Variants in SYT1 observed in about 807,000 individuals in gnomAD.
SYT1 encodes the protein synaptotagmin-1.
A neutral mutation model predicts 44.8 loss-of-function variants in SYT1; 8 were observed. That is an observed-to-expected ratio of 0.18 (90% CI 0.10 to 0.32). The LOEUF is 0.32. Among genes scored for constraint, SYT1 ranks in the 10% least tolerant of loss-of-function variants. The pLI, the probability that SYT1 is intolerant of heterozygous loss-of-function variation, is 1.00. For missense variants in SYT1, 286 were observed against 509.3 expected, an observed-to-expected ratio of 0.56 and a Z score of 4.22; for synonymous variants, 154 against 188.8, an observed-to-expected ratio of 0.82 and a Z score of 1.51.
chr12:79,417,608 C>A (rs1448321698), intron 9 of SYT1, among the ~76,000 whole-genome samples: 1 of 152,122 alleles, frequency 6.6e-6, no homozygotes, highest in African/African-American at 2.4e-5. Flanking sequence ...TGATGAAATT[C>A]GAATTCCTTA....
chr12:79,122,533 A>AAAAAAAAAAAAAAAG (rs1565816049), intron 3 of SYT1, among the ~76,000 whole-genome samples: 1 of 150,168 alleles, frequency 6.7e-6, no homozygotes, highest in East Asian at 1.9e-4. Flanking sequence ...AAAAAAAAAA[A>AAAAAAAAAAAAAAAG]AGAGATTCAT....
intron 3 of SYT1, among the ~76,000 whole-genome samples, chr12:79,151,985 T>G (rs1211260214): frequency 6.6e-6 from 1 of 152,036 alleles, no homozygotes; most frequent in Non-Finnish European, 1.5e-5. Context: ...CTGTGTGTAT[T>G]CAGGAAGTTT....
intron 3 of SYT1, among the ~76,000 whole-genome samples, chr12:79,118,443 A>G (rs2138122098): frequency 6.6e-6 from 1 of 152,338 alleles, no homozygotes; most frequent in East Asian, 1.9e-4. Context: ...ATTTCATTCA[A>G]GTCTATATAC....
intron 1 of SYT1, among the ~76,000 whole-genome samples, chr12:78,870,763 TC>T (rs1264289565): frequency 1.3e-5 from 2 of 151,970 alleles, no homozygotes; most frequent in Non-Finnish European, 2.9e-5. Flanking sequence ...CGCTGGGCCA[TC>T]CTCCTTGCAT....
At chr12:78,987,720 C>A (rs1350575573) in intron 2 of SYT1, among the ~76,000 whole-genome samples, 1 of 152,010 alleles carries the variant, frequency 6.6e-6, no homozygotes, top group East Asian at 1.9e-4. Flanking sequence ...ATACCAAGCT[C>A]AGATGGGCTT....
At chr12:79,036,872 G>C (rs1214776781) in intron 2 of SYT1, among the ~76,000 whole-genome samples, 1 of 151,704 alleles carries the variant, frequency 6.6e-6, no homozygotes, top group Non-Finnish European at 1.5e-5. Flanking sequence ...AATATTTAAA[G>C]CTGGAAGTCA....
intron 1 of SYT1, among the ~76,000 whole-genome samples, chr12:78,906,448 G>C (rs1376472918): frequency 1.3e-5 from 2 of 152,036 alleles, no homozygotes; most frequent in Non-Finnish European, 2.9e-5. Context: ...TAGTTTATGG[G>C]ATAATAGAGA....
intron 2 of SYT1, among the ~76,000 whole-genome samples, chr12:79,005,487 T>C (rs1871016120): frequency 6.6e-6 from 1 of 152,016 alleles, no homozygotes; most frequent in African/African-American, 2.4e-5. Flanking sequence ...ATAATGTCTA[T>C]CTCAGGGCTG....
intron 1 of SYT1, among the ~76,000 whole-genome samples, chr12:78,905,868 A>G (rs1875952492): frequency 6.6e-6 from 1 of 151,988 alleles, no homozygotes; most frequent in African/African-American, 2.4e-5. Flanking sequence ...GAGAAAAATT[A>G]CTCTAATTAT....
At chr12:79,387,681 C>A (rs995624410) in intron 9 of SYT1, among the ~76,000 whole-genome samples, 5 of 152,192 alleles carry the variant, frequency 3.3e-5, no homozygotes, top group Admixed American at 1.3e-4. Context: ...CTTTCTCAGT[C>A]TTTCTATTCT....
chr12:79,074,353 A>T lies in SYT1; in HGVS notation c.-18+26991A>T, dbSNP rs145484680. On this transcript the variant is annotated intron_variant, in intron 3 of 10. Coordinates refer to ENST00000261205, the MANE Select transcript of SYT1 (RefSeq NM_005639.3). ...AGTACTGCCCTGCCAATTGTAAATG[A>T]GAGGTTTAAAAGGCTCCAGATCCAA... 5.6e-3 allele frequency among the ~76,000 whole-genome samples: 851 copies of T among 152,220 alleles called. 5 individuals are homozygous for T. The highest frequency in any genetic ancestry group is 0.014 in the Middle Eastern group (4 of 294).
At position 79,449,022 on chromosome 12, in the gene SYT1, A is replaced by T. The variant is rs766923254; in HGVS notation, c.1167A>T (p.Arg389=). The part of the protein sequence containing the change: ...VGYNSTGAEL[R]HWSDMLANPR... The stretch of plus-strand genomic sequence containing the variant: ...ACAACAGCACCGGCGCGGAGCTGCG[A>T]CACTGGTCAGACATGCTGGCCAACC... Residue 389 remains arginine, a synonymous_variant, in exon 11 of 11, where the codon CGA becomes CGT. Transcript: ENST00000261205. 12 of 1,614,224 alleles carry T rather than the reference A, an allele frequency of 7.4e-6. No individual in the cohort carries two copies. The highest frequency in any genetic ancestry group is 1.0e-5 in the Non-Finnish European group (12 of 1,180,030).
chr12:79,436,106 A>T (rs979295911), intron 9 of SYT1, among the ~76,000 whole-genome samples: 2 of 152,134 alleles, frequency 1.3e-5, no homozygotes, highest in Non-Finnish European at 2.9e-5. Context: ...AGGGAAAATG[A>T]ATTTTAGGGG....
rs138320693 is a variant in SYT1 at position 79,382,158 on chromosome 12, G to A, written c.928+28539G>A. ...ATGACACAGTGATTCTCAGTCGTGC[G>A]AGTCTGTTGCTTTAGGGAAGTGACT... On this transcript the variant is annotated intron_variant, in intron 9 of 10. Transcript: ENST00000261205. 6.6e-3 allele frequency among the ~76,000 whole-genome samples: 1,003 copies of A among 152,296 alleles called. 5 individuals carry two copies. Among genetic ancestry groups the A allele is most frequent in the Middle Eastern group, 0.024 (7 of 294 alleles).
chr12:79,249,116 G>C (rs1381358543), intron 4 of SYT1, among the ~76,000 whole-genome samples: 1 of 1,078 alleles, frequency 9.3e-4, no homozygotes, highest in Non-Finnish European at 2.6e-3. Flanking sequence ...TTTTTTTTTT[G>C]AGACGGAGTC....
chr12:78,873,183 A>C (rs1309917797), intron 1 of SYT1, among the ~76,000 whole-genome samples: 1 of 151,628 alleles, frequency 6.6e-6, no homozygotes, highest in Non-Finnish European at 1.5e-5. Context: ...ACTTGCCTGC[A>C]ATTACACATT....
intron 4 of SYT1, among the ~76,000 whole-genome samples, chr12:79,247,928 C>T (rs1876950711): frequency 6.6e-6 from 1 of 152,152 alleles, no homozygotes; most frequent in South Asian, 2.1e-4. Flanking sequence ...AAATATTTCT[C>T]TTAAGAAAGA....
intron 3 of SYT1, among the ~76,000 whole-genome samples, chr12:79,107,471 A>C (rs1033311960): frequency 6.6e-6 from 1 of 151,992 alleles, no homozygotes; most frequent in African/African-American, 2.4e-5. Flanking sequence ...TAATACATTA[A>C]TGTATTGATG....
At chr12:79,244,433 C>G (rs1444873843) in intron 4 of SYT1, among the ~76,000 whole-genome samples, 2 of 152,144 alleles carry the variant, frequency 1.3e-5, no homozygotes, top group Non-Finnish European at 2.9e-5. Context: ...TAGCCTGGCA[C>G]AGTGGCTCAC....
Sources: allele counts gnomAD v4.1 joint callset (sites outside exome capture counted in the v4.1 genomes callset), GRCh38; gene constraint gnomAD v4.1.1; transcripts MANE v1.5; gene names NCBI Gene and HGNC (gene_info 2026-07-23, HGNC 2026-07-21).